The following MCIDAS variants were observed in gnomAD, a reference collection of about 807,000 sequenced individuals.
MCIDAS encodes multiciliate differentiation and DNA synthesis associated cell cycle protein.
MCIDAS carries 23 observed loss-of-function variants against 35.4 expected under a neutral mutation model. That is an observed-to-expected ratio of 0.65 (90% CI 0.47 to 0.92). The LOEUF (loss-of-function observed/expected upper bound fraction) is 0.92. Among genes scored for constraint, MCIDAS ranks in the 40% least tolerant of loss-of-function variants. The pLI is 0.00. For synonymous variants in MCIDAS, 228 were observed against 235.2 expected (o/e 0.97, Z 0.28); for missense variants, 480 against 531.8 (o/e 0.90, Z 0.96).
chr5:55,221,041 G>A lies in MCIDAS; in HGVS notation c.692C>T (p.Thr231Ile). 2 of 1,536,120 alleles carry A rather than the reference G, an allele frequency of 1.3e-6. No individual in the cohort carries two copies. Among genetic ancestry groups the A allele is most frequent in the South Asian group, 1.2e-5 (1 of 84,056 alleles). ...NVQLKELASR[T>I]RHLASVLDKL... is the part of the protein sequence containing the mutation. ...ATCCAGCACCGAGGCCAGGTGCCGG[G>A]TTCGGCTGGCGAGTTCCTTCAGCTG... The change falls in exon 6 of 7, where the codon ACC (threonine) becomes ATC (isoleucine). Residue 231 changes from threonine (T) to isoleucine (I), a missense_variant. Transcript: ENST00000513312.
rs1014919207 is a variant in MCIDAS, at chr5:55,223,434, C to G, written c.310-411G>C. 1.3e-5 allele frequency among the ~76,000 whole-genome samples: 2 copies of G among 152,170 alleles called. No individual in the cohort carries two copies. The highest frequency in any genetic ancestry group is 2.4e-5 in the African/African-American group (1 of 41,458). On this transcript the variant is annotated intron_variant, in intron 3 of 6. Transcript: ENST00000513312. This position sits in a 1 kb window ranked among gnomAD's most constrained non-coding sequence, Gnocchi z 4.4. Reference sequence around the variant, plus strand: ...GCGTGGCGGGAATGGGTCCTTCCACCGGCGGTGCGGCGGCCCTGCGCCGGC... The same window carrying G: ...GCGTGGCGGGAATGGGTCCTTCCACGGGCGGTGCGGCGGCCCTGCGCCGGC...
chr5:55,226,997 C>T lies in MCIDAS; in HGVS notation c.120+22G>A, dbSNP rs150692920. On this transcript the variant is annotated intron_variant, in intron 1 of 6. Transcript: ENST00000513312. ...GGGCACCGAGCGCGCAGACCCCGCC[C>T]GGCCCGAATCAACCGCCCCACCTTC... The T allele has an allele frequency of 4.6e-6, 7 of 1,517,870 alleles. No homozygotes were observed. The Admixed American group carries it at 8.1e-5, about 18-fold the overall frequency. The allele number at this position is 1,517,870 out of a possible 1,614,324, so 94.0% of individuals were successfully genotyped here.
chr5:55,221,893 C>A (rs1285844462), intron 5 of MCIDAS, among the ~76,000 whole-genome samples: 1 of 151,972 alleles, frequency 6.6e-6, no homozygotes, highest in Non-Finnish European at 1.5e-5. Context: ...CCACTGCACT[C>A]CAGCCTGGGC....
rs1745316701 is a variant in MCIDAS at position 55,219,795 on chromosome 5, G to A, written c.*571C>T. On this transcript the variant is annotated 3_prime_UTR_variant, in exon 7 of 7. Coordinates refer to ENST00000513312, the MANE Select transcript of MCIDAS (RefSeq NM_001190787.3). The stretch of plus-strand genomic sequence containing the variant: ...GAATCTGCCTTTTCCTAAGACAACT[G>A]TTTGGGTTACCTCTCCCGATTTCGT... 6.6e-6 allele frequency: 1 copy of A among 152,180 alleles called. No individual in the cohort carries two copies. The highest frequency in any genetic ancestry group is 6.5e-5 in the Admixed American group (1 of 15,274). 9.4% of individuals were successfully genotyped at this position (152,180 alleles called of 1,614,324 possible).
Position 55,222,318 on chromosome 5 carries a change from C to A in MCIDAS, c.464G>T (p.Cys155Phe). Residue 155 changes from cysteine (C) to phenylalanine (F), a missense_variant, in exon 5 of 7, where the codon TGC (cysteine) becomes TTC (phenylalanine). Transcript: ENST00000513312. ...CCGTGGGTCCAGTGGCGGGGAGAGG[C>A]AGGGCCCGAATGGTGATATGTCGCA... The part of the protein sequence containing the change: ...SPCDISPFGP[C>F]LSPPLDPRAL... 6.5e-7 allele frequency: 1 copy of A among 1,534,656 alleles called. No individual in the cohort carries two copies. Among genetic ancestry groups the A allele is most frequent in the Non-Finnish European group, 8.7e-7 (1 of 1,146,332 alleles).
Position 55,220,653 on chromosome 5 carries a change from A to G in MCIDAS, c.871T>C (p.Cys291Arg), listed in dbSNP as rs953897274. ...TCGCGGCTCTGAAGGGCTTCATCGC[A>G]GCGCTCGGAAATCTCCCTCAGGATG... ...DAILREISERCDEALQSRDPK... is the reference protein window; with the variant it reads ...DAILREISERRDEALQSRDPK... Residue 291 changes from cysteine (C) to arginine (R), a missense_variant, in exon 7 of 7, where the codon TGC becomes CGC. Cys to Arg is a radical substitution (Grantham distance 180, BLOSUM62 -3). Transcript: ENST00000513312. 6 of 1,535,992 alleles carry G rather than the reference A, an allele frequency of 3.9e-6. No homozygotes were observed. The highest frequency in any genetic ancestry group is 2.0e-5 in the Admixed American group (1 of 50,980).
intron 3 of MCIDAS, among the ~76,000 whole-genome samples, chr5:55,224,561 T>C (rs1285739524): frequency 6.6e-6 from 1 of 152,156 alleles, no homozygotes; most frequent in Non-Finnish European, 1.5e-5. Context: ...AGTGCTGCCC[T>C]GGTTGAAGGG....
chr5:55,220,846 G>A, intron 6 of MCIDAS, 40 bp from the exon 7 acceptor site: 3 of 1,502,626 alleles, frequency 2.0e-6, no homozygotes, highest in East Asian at 2.5e-5. Context: ...GGGGCCTGCC[G>A]GACCCTCCGG....
intron 4 of MCIDAS, 28 bp downstream of exon 4, chr5:55,222,923 T>G (rs558142215): frequency 3.3e-6 from 5 of 1,533,022 alleles, no homozygotes; most frequent in Non-Finnish European, 4.4e-6. Flanking sequence ...CCCCCGCTGT[T>G]ATTTAACTGC....
rs1468770769 is a variant in MCIDAS, at chr5:55,223,699, C to G, written c.310-676G>C. The stretch of plus-strand genomic sequence containing the variant: ...CCGCGTTTCCCGCCAAGGTTTGGCC[C>G]CAGCTAACCGCCCCACCCATGCAAC... On this transcript the variant is annotated intron_variant, in intron 3 of 6. Coordinates refer to ENST00000513312, the MANE Select transcript of MCIDAS (RefSeq NM_001190787.3). The surrounding 1 kb of genome is among the most constrained non-coding windows in gnomAD (Gnocchi z 4.4). 1.3e-5 allele frequency among the ~76,000 whole-genome samples: 2 copies of G among 152,178 alleles called. No homozygotes were observed. The highest frequency in any genetic ancestry group is 2.9e-5 in the Non-Finnish European group (2 of 68,032).
rs1410773620 is a variant in MCIDAS at position 55,223,488 on chromosome 5, C to T, written c.310-465G>A. Reference sequence around the variant, plus strand: ...GGGCAGCCGAGTAGCCCGCCACCCACCAACTAGCTAAGCAGCCGCCTCTGT... The same window carrying T: ...GGGCAGCCGAGTAGCCCGCCACCCATCAACTAGCTAAGCAGCCGCCTCTGT... On this transcript the variant is annotated intron_variant, in intron 3 of 6. Coordinates refer to ENST00000513312, the MANE Select transcript of MCIDAS (RefSeq NM_001190787.3). The surrounding 1 kb of genome is among the most constrained non-coding windows in gnomAD (Gnocchi z 4.4). 2.0e-5 allele frequency among the ~76,000 whole-genome samples: 3 copies of T among 152,240 alleles called. No individual in the cohort carries two copies. The highest frequency in any genetic ancestry group is 7.2e-5 in the African/African-American group (3 of 41,462).
rs958306928 is a variant in MCIDAS, at chr5:55,222,329, T to C, written c.453A>G (p.Pro151=). The C allele has an allele frequency of 1.3e-6, 2 of 1,533,998 alleles. No individual in the cohort carries two copies. The highest frequency in any genetic ancestry group is 1.7e-6 in the Non-Finnish European group (2 of 1,145,906). Reference sequence around the variant, plus strand: ...GTGGCGGGGAGAGGCAGGGCCCGAATGGTGATATGTCGCAAGGAGAGAAGG... The same window carrying C: ...GTGGCGGGGAGAGGCAGGGCCCGAACGGTGATATGTCGCAAGGAGAGAAGG... The part of the protein sequence containing the change: ...DFPFSPCDIS[P]FGPCLSPPLD... Residue 151 remains proline, a synonymous_variant, in exon 5 of 7, where the codon CCA becomes CCG. Coordinates refer to ENST00000513312, the MANE Select transcript of MCIDAS (RefSeq NM_001190787.3).
At chr5:55,221,740 C>A (rs1305549970) in intron 5 of MCIDAS, among the ~76,000 whole-genome samples, 1 of 152,102 alleles carries the variant, frequency 6.6e-6, no homozygotes, top group Non-Finnish European at 1.5e-5. Context: ...GCCTGGCCAA[C>A]ATGGTGAAAC....
Position 55,223,799 on chromosome 5 carries a change from C to T in MCIDAS, c.310-776G>A, listed in dbSNP as rs973333465. On this transcript the variant is annotated intron_variant, in intron 3 of 6. Transcript: ENST00000513312. This position sits in a 1 kb window ranked among gnomAD's most constrained non-coding sequence, Gnocchi z 4.4. ...GCTTCTGTTCTGCGCACAGCCAGTG[C>T]GGCCTCCATTGCTCTTTCAGTTTCC... Among the ~76,000 whole-genome samples the T allele has an allele frequency of 3.9e-5, 6 of 152,188 alleles. No individual in the cohort carries two copies. The highest frequency in any genetic ancestry group is 2.0e-4 in the Admixed American group (3 of 15,280).
chr5:55,220,602 C>T lies in MCIDAS; in HGVS notation c.922G>A (p.Glu308Lys). The change falls in exon 7 of 7, where the codon GAG becomes AAG. Residue 308 changes from glutamate to lysine, a missense_variant. Transcript: ENST00000513312. ...RDPKRPRLLP[E>K]PANTDTRPGN... is the part of the protein sequence containing the mutation. The stretch of plus-strand genomic sequence containing the variant: ...GGCCTGGTGTCAGTATTCGCGGGCT[C>T]TGGCAGCAGTCGGGGCCGCTTGGGA... 6.5e-7 allele frequency: 1 copy of T among 1,536,128 alleles called. No homozygotes were observed.
At chr5:55,221,188 G>A (rs1745350481) in intron 5 of MCIDAS, 62 bp from the exon 6 acceptor site, 2 of 1,224,802 alleles carry the variant, frequency 1.6e-6, no homozygotes, top group Non-Finnish European at 2.3e-6. Context: ...CTGCATATCT[G>A]GCATGAATCA....
At chr5:55,224,831 C>G (rs1745428491) in intron 3 of MCIDAS, among the ~76,000 whole-genome samples, 2 of 152,204 alleles carry the variant, frequency 1.3e-5, no homozygotes, top group Non-Finnish European at 2.9e-5. Flanking sequence ...CTGGGGGCCT[C>G]TTTCCTCTGA....
chr5:55,226,672 G>A lies in MCIDAS; in HGVS notation c.218-5C>T, dbSNP rs746445307. ...GCAGGTCTATGGTGGTGAGGGCTGC[G>A]CGGGGAGACCGGGAGACACGCGCCG... is the stretch of plus-strand genomic sequence containing the variant. On this transcript the variant is annotated splice_polypyrimidine_tract_variant and splice_region_variant and intron_variant, in intron 2 of 6. Transcript: ENST00000513312. 18 of 1,499,130 alleles carry A rather than the reference G, an allele frequency of 1.2e-5. No homozygotes were observed. Among genetic ancestry groups the A allele is most frequent in the Middle Eastern group, 1.9e-4 (1 of 5,278 alleles). The allele number at this position is 1,499,130 out of a possible 1,614,324, so 92.9% of individuals were successfully genotyped here.
In MCIDAS at chr5:55,223,445, C is replaced by T. The variant is rs571258047; in HGVS notation, c.310-422G>A. On this transcript the variant is annotated intron_variant, in intron 3 of 6. Coordinates refer to ENST00000513312, the MANE Select transcript of MCIDAS (RefSeq NM_001190787.3). The surrounding 1 kb of genome is among the most constrained non-coding windows in gnomAD (Gnocchi z 4.4). ...ATGGGTCCTTCCACCGGCGGTGCGG[C>T]GGCCCTGCGCCGGCTCCGGGCAGCC... Among the ~76,000 whole-genome samples, 258 of 152,306 alleles carry T rather than the reference C, an allele frequency of 1.7e-3. 1 individual carries two copies. Among genetic ancestry groups the T allele is most frequent in the Admixed American group, 3.6e-3 (55 of 15,306 alleles).
Sources: allele counts gnomAD v4.1 joint callset (sites outside exome capture counted in the v4.1 genomes callset), GRCh38; gene constraint gnomAD v4.1.1; non-coding constraint Gnocchi (gnomAD v3.1); transcripts MANE v1.5; gene names NCBI Gene and HGNC (gene_info 2026-07-23, HGNC 2026-07-21).